Variants in RAD21 observed in about 807,000 individuals in gnomAD.
RAD21 encodes the protein double-strand-break repair protein rad21 homolog.
A neutral mutation model predicts 71.5 loss-of-function variants in RAD21; 18 were observed. That is an observed-to-expected ratio of 0.25 (90% CI 0.17 to 0.37). The LOEUF (loss-of-function observed/expected upper bound fraction) is 0.37, where lower values mean the gene tolerates loss of function less well. Among genes scored for constraint, RAD21 ranks in the 10% least tolerant of loss-of-function variants. RAD21 has a pLI of 1.00. For synonymous variants in RAD21, 248 were observed against 254.0 expected (o/e 0.98, Z 0.22); for missense variants, 493 against 769.1 (o/e 0.64, Z 4.25).
chr8:116,858,529 A>G (rs955103548), intron 4 of RAD21, 71 bp from the exon 5 acceptor site: 44 of 1,250,424 alleles, frequency 3.5e-5, no homozygotes, highest in Non-Finnish European at 4.6e-5. Flanking sequence ...AATTCTCTCT[A>G]TAAGAAAAAT....
At chr8:116,873,580 T>C (rs898804855) in intron 1 of RAD21, among the ~76,000 whole-genome samples, 1 of 151,846 alleles carries the variant, frequency 6.6e-6, no homozygotes, top group African/African-American at 2.4e-5. Context: ...AACTTTCCCT[T>C]GCAAAAAGAA....
rs1812268562 is a variant in RAD21, at chr8:116,847,315, A to C, written c.*185T>G. ...ATCAGAACACAAACACAACCCATCT[A>C]ATCAGTTTCCCTCAAAGATGAAATT... On this transcript the variant is annotated 3_prime_UTR_variant, in exon 14 of 14. Coordinates refer to ENST00000297338, the MANE Select transcript of RAD21 (RefSeq NM_006265.3). 1.9e-6 allele frequency: 1 copy of C among 539,078 alleles called. No homozygotes were observed. Among genetic ancestry groups the C allele is most frequent in the East Asian group, 3.0e-5 (1 of 33,024 alleles). The allele number at this position is 539,078 out of a possible 1,614,324, so 33.4% of individuals were successfully genotyped here.
At position 116,858,472 on chromosome 8, in the gene RAD21, T is replaced by C; in HGVS notation, c.375-14A>G. The C allele has an allele frequency of 6.3e-7, 1 of 1,594,490 alleles. No individual in the cohort carries two copies. Among genetic ancestry groups the C allele is most frequent in the Non-Finnish European group, 8.6e-7 (1 of 1,165,572 alleles). ...ACATCGATGTCACTTTAAAAGAAGG[T>C]CAAATACATTTTAGTTTCAAGTCTA... On this transcript the variant is annotated splice_polypyrimidine_tract_variant and intron_variant, in intron 4 of 13. Coordinates refer to ENST00000297338, the MANE Select transcript of RAD21 (RefSeq NM_006265.3).
At chr8:116,858,819 A>G (rs772835773) in intron 4 of RAD21, among the ~76,000 whole-genome samples, 2 of 152,090 alleles carry the variant, frequency 1.3e-5, no homozygotes, top group Non-Finnish European at 2.9e-5. Flanking sequence ...GACTTCCCTG[A>G]GACTCAGTTT....
chr8:116,859,100 GA>G (rs34657051), intron 4 of RAD21, among the ~76,000 whole-genome samples: 21,419 of 88,870 alleles, frequency 0.24, 3,929 homozygotes, highest in African/African-American at 0.53. Context: ...CGAACTGGGA[GA>G]AAAAAAAAAA....
chr8:116,868,007 T>C (rs1271284658), intron 1 of RAD21, among the ~76,000 whole-genome samples: 1 of 152,210 alleles, frequency 6.6e-6, no homozygotes, highest in East Asian at 1.9e-4. Flanking sequence ...TTTCTAAGTC[T>C]TGACAAACAC....
rs1812271267 is a variant in RAD21, at chr8:116,847,491, T to G, written c.*9A>C. 6.3e-7 allele frequency: 1 copy of G among 1,599,508 alleles called. No individual in the cohort carries two copies. The highest frequency in any genetic ancestry group is 1.7e-5 in the Admixed American group (1 of 57,780). On this transcript the variant is annotated 3_prime_UTR_variant, in exon 14 of 14. Coordinates refer to ENST00000297338, the MANE Select transcript of RAD21 (RefSeq NM_006265.3). The stretch of plus-strand genomic sequence containing the variant: ...TGAATCAAACACTAGCTATAATGCT[T>G]CTAGCTCCTTATATAATATGGAACC...
chr8:116,851,041 C>CTACTAAAGCT (rs1812338476), intron 11 of RAD21: 1 of 234,762 alleles, frequency 4.3e-6, no homozygotes, highest in Non-Finnish European at 8.3e-6. Flanking sequence ...TGCTTTTTAA[C>CTACTAAAGCT]TACTAAAGCT....
At chr8:116,854,148 C>G (rs1812415292) in intron 9 of RAD21, 97 bp downstream of exon 9, 1 of 1,031,656 alleles carries the variant, frequency 9.7e-7, no homozygotes, top group African/African-American at 1.6e-5. Flanking sequence ...CATACAGTTG[C>G]AAAATACTTG....
rs1398154695 is a variant in RAD21, at chr8:116,846,724, T to C, written c.*776A>G. ...CAAACATCTTTTTAAAACTTTGATTTATAGCTCCTAGAAAGTTATGTTTTT... is the reference window on the plus strand; with the variant it reads ...CAAACATCTTTTTAAAACTTTGATTCATAGCTCCTAGAAAGTTATGTTTTT... On this transcript the variant is annotated 3_prime_UTR_variant, in exon 14 of 14. Transcript: ENST00000297338. 3 of 220,568 alleles carry C rather than the reference T, an allele frequency of 1.4e-5. No individual in the cohort carries two copies. Among genetic ancestry groups the C allele is most frequent in the Non-Finnish European group, 2.7e-5 (3 of 110,006 alleles). The allele number at this position is 220,568 out of a possible 1,614,324, so 13.7% of individuals were successfully genotyped here.
rs1812262206 is a variant in RAD21, at chr8:116,846,906, C to T, written c.*594G>A. On this transcript the variant is annotated 3_prime_UTR_variant, in exon 14 of 14. Transcript: ENST00000297338. Reference sequence around the variant, plus strand: ...CCAGGTCAGTCCTATCTTTTTGTAGCTGAAGGCTATCAGTCATAACACAAT... The same window carrying T: ...CCAGGTCAGTCCTATCTTTTTGTAGTTGAAGGCTATCAGTCATAACACAAT... 4.7e-6 allele frequency: 1 copy of T among 214,552 alleles called. No individual in the cohort carries two copies. Among genetic ancestry groups the T allele is most frequent in the African/African-American group, 2.3e-5 (1 of 44,284 alleles). 13.3% of individuals were successfully genotyped at this position (214,552 alleles called of 1,614,324 possible). A position where few individuals can be genotyped will look rare whatever the true frequency, so the allele number is the denominator to read the frequency against.
rs997532172 is a variant in RAD21 at position 116,849,128 on chromosome 8, T to G, written c.1621-99A>C. ...AAGCTCCTAAATTACCTTGAGATTGTGTATTTTGAACTAATAGAAAACTGT... is the reference window on the plus strand; with the variant it reads ...AAGCTCCTAAATTACCTTGAGATTGGGTATTTTGAACTAATAGAAAACTGT... On this transcript the variant is annotated intron_variant, in intron 12 of 13. Coordinates refer to ENST00000297338, the MANE Select transcript of RAD21 (RefSeq NM_006265.3). 3.6e-5 allele frequency: 29 copies of G among 801,902 alleles called. No homozygotes were observed. The Admixed American group carries it at 8.5e-4, about 24-fold the overall frequency. 49.7% of individuals were successfully genotyped at this position (801,902 alleles called of 1,614,324 possible).
At chr8:116,855,461 A>G (rs1039005223) in intron 8 of RAD21, among the ~76,000 whole-genome samples, 2 of 152,212 alleles carry the variant, frequency 1.3e-5, no homozygotes, top group African/African-American at 4.8e-5. Flanking sequence ...CAAGAAAAAG[A>G]TTATTCTAGA....
rs940496042 is a variant in RAD21 at position 116,846,404 on chromosome 8, C to T, written c.*1096G>A. 2 of 228,234 alleles carry T rather than the reference C, an allele frequency of 8.8e-6. No individual in the cohort carries two copies. Among genetic ancestry groups the T allele is most frequent in the Non-Finnish European group, 1.7e-5 (2 of 114,856 alleles). 14.1% of individuals were successfully genotyped at this position (228,234 alleles called of 1,614,324 possible). A position where few individuals can be genotyped will look rare whatever the true frequency, so the allele number is the denominator to read the frequency against. On this transcript the variant is annotated 3_prime_UTR_variant, in exon 14 of 14. Transcript: ENST00000297338. Reference sequence around the variant, plus strand: ...CATAACAGTCACATGATTTCTGATGCTATCTGGTCTGTTAATAATAAAGTC... The same window carrying T: ...CATAACAGTCACATGATTTCTGATGTTATCTGGTCTGTTAATAATAAAGTC...
At chr8:116,872,199 AGGTTATAT>A (rs1474542984) in intron 1 of RAD21, among the ~76,000 whole-genome samples, 1 of 152,224 alleles carries the variant, frequency 6.6e-6, no homozygotes, top group Non-Finnish European at 1.5e-5. Flanking sequence ...GGATGTTAGT[AGGTTATAT>A]GCAAATACTA....
intron 6 of RAD21, 84 bp from the exon 7 acceptor site, chr8:116,856,855 G>A: frequency 9.9e-7 from 1 of 1,010,206 alleles, no homozygotes; most frequent in Admixed American, 2.9e-5. Flanking sequence ...ACAAAATTAT[G>A]TTAAAAGGGA....
chr8:116,851,240 T>C (rs1435471744), intron 11 of RAD21: 2 of 152,470 alleles, frequency 1.3e-5, no homozygotes, highest in Non-Finnish European at 2.9e-5. Context: ...AACTAAAGAA[T>C]TACCAGAAGG....
At chr8:116,855,864 A>T (rs1156782212) in intron 8 of RAD21, among the ~76,000 whole-genome samples, 1 of 152,222 alleles carries the variant, frequency 6.6e-6, no homozygotes, top group African/African-American at 2.4e-5. Flanking sequence ...AGACTAAGAT[A>T]TGCATTATCA....
At position 116,857,079 on chromosome 8, in the gene RAD21, T is replaced by C. The variant is rs1812486393; in HGVS notation, c.688+188A>G. Among the ~76,000 whole-genome samples, 3 of 152,186 alleles carry C rather than the reference T, an allele frequency of 2.0e-5. No individual in the cohort carries two copies. In the South Asian group the frequency reaches 6.2e-4, roughly 31 times the overall value. On this transcript the variant is annotated intron_variant, in intron 6 of 13. Transcript: ENST00000297338. ...AAAATTTAGCATTCTGAGATAAGCA[T>C]ATTTAGGTTTTGTTACAACATTTTA...
Sources: allele counts gnomAD v4.1 joint callset (sites outside exome capture counted in the v4.1 genomes callset), GRCh38; gene constraint gnomAD v4.1.1; transcripts MANE v1.5; gene names NCBI Gene and HGNC (gene_info 2026-07-23, HGNC 2026-07-21).